The following COL2A1 variants were observed in gnomAD, a reference collection of about 807,000 sequenced individuals.
COL2A1 encodes collagen alpha-1(II) chain.
A neutral mutation model predicts 204.5 loss-of-function variants in COL2A1; 28 were observed. That is an observed-to-expected ratio of 0.14 (90% confidence interval 0.10 to 0.19). The LOEUF is 0.19. Among genes scored for constraint, COL2A1 ranks in the 10% least tolerant of loss-of-function variants. The pLI is 1.00. For missense variants in COL2A1, 1,388 were observed against 2,027.5 expected (o/e 0.68, Z 6.06); for synonymous variants, 708 against 718.7 (o/e 0.99, Z 0.24).
intron 7 of COL2A1, among the ~76,000 whole-genome samples, chr12:47,996,835 G>C (rs1331138075): frequency 1.3e-5 from 2 of 152,200 alleles, no homozygotes; most frequent in African/African-American, 4.8e-5. Flanking sequence ...CATTTCACTG[G>C]AAGGGAAAGT....
chr12:47,986,554 G>GC lies in COL2A1; in HGVS notation c.1420-112_1420-111insG. 6 of 766,592 alleles carry GC rather than the reference G, an allele frequency of 7.8e-6. No homozygotes were observed. The Admixed American group carries it at 1.1e-4, about 14-fold the overall frequency. 47.5% of individuals were successfully genotyped at this position (766,592 alleles called of 1,614,324 possible). ...TTGGCAACTGTTTCAGGGCTGGGGG[G>GC]GGGCTTGAGGACGAGAGGCCATAAA... On this transcript the variant is annotated intron_variant, in intron 22 of 53. Transcript: ENST00000380518.
At position 47,986,584 on chromosome 12, in the gene COL2A1, G is replaced by A. The variant is rs1592219320; in HGVS notation, c.1420-141C>T. 1.4e-5 allele frequency: 10 copies of A among 715,034 alleles called. 1 individual carries two copies. The highest frequency in any genetic ancestry group is 3.5e-5 in the African/African-American group (2 of 56,796). The allele number at this position is 715,034 out of a possible 1,614,324, so 44.3% of individuals were successfully genotyped here. A position where few individuals can be genotyped will look rare whatever the true frequency, so the allele number is the denominator to read the frequency against. On this transcript the variant is annotated intron_variant, in intron 22 of 53. Coordinates refer to ENST00000380518, the MANE Select transcript of COL2A1 (RefSeq NM_001844.5). ...TTGAGGACGAGAGGCCATAAAGGAC[G>A]AGCCATGGCAGGGCAGAGGGAAGTG...
chr12:47,981,827 G>A lies in COL2A1; in HGVS notation c.2358C>T (p.Gly786=), dbSNP rs1229351711. The stretch of plus-strand genomic sequence containing the variant: ...CAGGGGGGCCAATGGGACCTGTCAG[G>A]CCCTGCGGGGAGAGCAGGTAGAGGT... ...EGAPGKDGGR[G]LTGPIGPPGP... is the part of the protein sequence containing the mutation. The change falls in exon 36 of 54, where the codon GGC becomes GGT. Residue 786 remains glycine, a splice_region_variant and synonymous_variant. Coordinates refer to ENST00000380518, the MANE Select transcript of COL2A1 (RefSeq NM_001844.5). 6.4e-7 allele frequency: 1 copy of A among 1,554,002 alleles called. No individual in the cohort carries two copies. The highest frequency in any genetic ancestry group is 8.7e-7 in the Non-Finnish European group (1 of 1,148,512).
chr12:47,993,405 C>A, intron 15 of COL2A1, 53 bp downstream of exon 15: 1 of 1,330,238 alleles, frequency 7.5e-7, no homozygotes, highest in Non-Finnish European at 1.1e-6. Context: ...TTGCAGCCAT[C>A]TGATAGTCTG....
At chr12:47,993,590 A>G in intron 14 of COL2A1, 88 bp from the exon 15 acceptor site, 13 of 1,273,354 alleles carry the variant, frequency 1.0e-5, no homozygotes, top group Non-Finnish European at 1.4e-5. Context: ...AGCCCTGGTC[A>G]TCTCAGCTCG....
Position 47,980,426 on chromosome 12 carries a change from C to A in COL2A1, c.2625+128G>T. On this transcript the variant is annotated intron_variant, in intron 39 of 53. Coordinates refer to ENST00000380518, the MANE Select transcript of COL2A1 (RefSeq NM_001844.5). This position sits in a 1 kb window ranked among gnomAD's most constrained non-coding sequence, Gnocchi z 4.5. The stretch of plus-strand genomic sequence containing the variant: ...ACAGCCCACATGCCACATGGAAGCT[C>A]CTTCTACCAACATGGGGGTGTTCCC... 1.1e-6 allele frequency: 1 copy of A among 875,702 alleles called. No homozygotes were observed. Among genetic ancestry groups the A allele is most frequent in the Non-Finnish European group, 1.9e-6 (1 of 534,656 alleles). 54.2% of individuals were successfully genotyped at this position (875,702 alleles called of 1,614,324 possible). A position where few individuals can be genotyped will look rare whatever the true frequency, so the allele number is the denominator to read the frequency against.
At chr12:47,997,575 G>C (rs761705207) in intron 7 of COL2A1, 31 bp downstream of exon 7, 5 of 1,613,700 alleles carry the variant, frequency 3.1e-6, no homozygotes, top group Non-Finnish European at 4.2e-6. Flanking sequence ...TGGAGGGACA[G>C]CCTGAAGGAA....
Position 47,974,152 on chromosome 12 carries a change from G to A in COL2A1, c.4254C>T (p.Asp1418=), listed in dbSNP as rs748658390. The A allele has an allele frequency of 6.8e-6, 11 of 1,614,074 alleles. No individual in the cohort carries two copies. Among genetic ancestry groups the A allele is most frequent in the South Asian group, 2.2e-5 (2 of 91,090 alleles). ...KKALLIQGSN[D]VEIRAEGNSR... is the part of the protein sequence containing the mutation. Reference sequence around the variant, plus strand: ...TATTGCCCTCTGCCCGGATCTCCACGTCATTGGAGCCCTGGATGAGCAGGG... The same window carrying A: ...TATTGCCCTCTGCCCGGATCTCCACATCATTGGAGCCCTGGATGAGCAGGG... The change falls in exon 53 of 54, where the codon GAC becomes GAT. Residue 1418 remains aspartate, a synonymous_variant. Coordinates refer to ENST00000380518, the MANE Select transcript of COL2A1 (RefSeq NM_001844.5).
At chr12:47,989,197 G>T in intron 18 of COL2A1, 31 bp downstream of exon 18, 1 of 1,597,376 alleles carries the variant, frequency 6.3e-7, no homozygotes. Flanking sequence ...TCGGCACCCA[G>T]AAGTTCCTGA....
chr12:47,993,056 A>G, intron 15 of COL2A1, 125 bp from the exon 16 acceptor site: 1 of 884,470 alleles, frequency 1.1e-6, no homozygotes, highest in Non-Finnish European at 1.9e-6. Context: ...CAGGAAAACA[A>G]GGACCTCCTG....
Position 47,993,789 on chromosome 12 carries a change from T to A in COL2A1, c.924+20A>T. 6.2e-7 allele frequency: 1 copy of A among 1,613,636 alleles called. No individual in the cohort carries two copies. Among genetic ancestry groups the A allele is most frequent in the Non-Finnish European group, 8.5e-7 (1 of 1,179,658 alleles). On this transcript the variant is annotated intron_variant, in intron 14 of 53. Transcript: ENST00000380518. ...ATTGTCTCCCTCCTCCCCATCCCAT[T>A]GTACTTTCTGGCCTCTCACCTTCAC...
intron 46 of COL2A1, 36 bp from the exon 47 acceptor site, chr12:47,977,191 C>G (rs1473097045): frequency 6.2e-7 from 1 of 1,611,030 alleles, no homozygotes; most frequent in South Asian, 1.1e-5. Flanking sequence ...AGAGAAAAGC[C>G]AGGACAGGTG....
At position 47,980,758 on chromosome 12, in the gene COL2A1, G is replaced by T; in HGVS notation, c.2518-97C>A. ...AGACTCTGTGAGTATCTGCGTGTGT[G>T]TCCTGGTCTGGACATGATGGTTCTA... On this transcript the variant is annotated intron_variant, in intron 38 of 53. Transcript: ENST00000380518. The surrounding 1 kb of genome is among the most constrained non-coding windows in gnomAD (Gnocchi z 4.5). 5.0e-6 allele frequency: 7 copies of T among 1,412,346 alleles called. No homozygotes were observed. The highest frequency in any genetic ancestry group is 5.9e-6 in the Non-Finnish European group (6 of 1,019,510). 87.5% of individuals were successfully genotyped at this position (1,412,346 alleles called of 1,614,324 possible).
rs779569736 is a variant in COL2A1 at position 47,992,930 on chromosome 12, C to G, written c.971G>C (p.Gly324Ala). 1 of 1,614,180 alleles carries G rather than the reference C, an allele frequency of 6.2e-7. No homozygotes were observed. Among genetic ancestry groups the G allele is most frequent in the Non-Finnish European group, 8.5e-7 (1 of 1,180,022 alleles). The change falls in exon 16 of 54, where the codon GGT becomes GCT. Residue 324 changes from glycine to alanine, a missense_variant and splice_region_variant. Physicochemically the swap from Gly to Ala is moderately conservative, Grantham distance 60. This residue lies in a region of COL2A1 where 884 missense variants were observed against 1,415.8 expected (regional missense o/e 0.62). Transcript: ENST00000380518. ...PGENGSPGPMGPRGLPGERGR... is the reference protein window; with the variant it reads ...PGENGSPGPMAPRGLPGERGR... ...TCTTTCACCAGGCAGGCCACGAGGA[C>G]CCTGGAACACACACCAGGACAGCCT...
chr12:47,980,470 C>G lies in COL2A1; in HGVS notation c.2625+84G>C, dbSNP rs1450942527. 7.9e-7 allele frequency: 1 copy of G among 1,261,736 alleles called. No homozygotes were observed. The highest frequency in any genetic ancestry group is 1.3e-5 in the South Asian group (1 of 78,442). 78.2% of individuals were successfully genotyped at this position (1,261,736 alleles called of 1,614,324 possible). A position where few individuals can be genotyped will look rare whatever the true frequency, so the allele number is the denominator to read the frequency against. ...TGTTCCCAGGCCTGCGAACCATCCTCTGCGCAGCCTGCTGGGGCCTTCCCA... is the reference window on the plus strand; with the variant it reads ...TGTTCCCAGGCCTGCGAACCATCCTGTGCGCAGCCTGCTGGGGCCTTCCCA... On this transcript the variant is annotated intron_variant, in intron 39 of 53. Transcript: ENST00000380518. The surrounding 1 kb of genome is among the most constrained non-coding windows in gnomAD (Gnocchi z 4.5).
chr12:47,982,038 T>C (rs1205789694), intron 35 of COL2A1, 69 bp downstream of exon 35: 2 of 1,510,552 alleles, frequency 1.3e-6, no homozygotes, highest in Non-Finnish European at 1.8e-6. Context: ...CCCAGCCCTC[T>C]CTCCTGCTCT....
intron 12 of COL2A1, among the ~76,000 whole-genome samples, 173 bp from the exon 13 acceptor site, chr12:47,994,220 T>C (rs1356942600): frequency 2.6e-5 from 4 of 152,096 alleles, no homozygotes. Flanking sequence ...TACCCCCCAT[T>C]TTATGCAAAG....
In COL2A1 at chr12:47,985,467, C is replaced by T. The variant is rs1038055077; in HGVS notation, c.1734+67G>A. 1.8e-4 allele frequency: 273 copies of T among 1,537,866 alleles called. 2 individuals carry two copies. In the South Asian group the frequency reaches 2.9e-3, roughly 16 times the overall value. On this transcript the variant is annotated intron_variant, in intron 26 of 53. Transcript: ENST00000380518. ...GGCCTCCCTAACCCAAACTCCATCT[C>T]TCTTTTCCCTTGCTTCCCCAGGGAG... is the stretch of plus-strand genomic sequence containing the variant.
At position 47,987,566 on chromosome 12, in the gene COL2A1, C is replaced by T; in HGVS notation, c.1221+45G>A. Reference sequence around the variant, plus strand: ...AAGTACAGAGTCAAGAGTTCCAAAGCCACAGACCCCAGACCCCCCCAGGCC... The same window carrying T: ...AAGTACAGAGTCAAGAGTTCCAAAGTCACAGACCCCAGACCCCCCCAGGCC... On this transcript the variant is annotated intron_variant, in intron 19 of 53. Transcript: ENST00000380518. This position sits in a 1 kb window ranked among gnomAD's most constrained non-coding sequence, Gnocchi z 4.1. 1 of 1,525,764 alleles carries T rather than the reference C, an allele frequency of 6.6e-7. No individual in the cohort carries two copies. 94.5% of individuals were successfully genotyped at this position (1,525,764 alleles called of 1,614,324 possible). A position where few individuals can be genotyped will look rare whatever the true frequency, so the allele number is the denominator to read the frequency against.
Sources: gnomAD v4.1 joint callset for allele counts (sites outside exome capture counted in the v4.1 genomes callset) on GRCh38, gnomAD v4.1.1 for gene constraint, gnomAD v4.1.1 regional missense constraint, Gnocchi (gnomAD v3.1) non-coding constraint, MANE v1.5 for transcripts, NCBI Gene and HGNC (gene_info 2026-07-23, HGNC 2026-07-21) for gene names.